ZFYVE27: variants seen among roughly 807,000 people sequenced by gnomAD.
ZFYVE27 encodes protrudin.
A neutral mutation model predicts 52.8 loss-of-function variants in ZFYVE27; 36 were observed. The ratio of observed to expected loss-of-function variants is 0.68; its 90% confidence interval spans 0.52 to 0.90. The LOEUF (loss-of-function observed/expected upper bound fraction) is 0.90. Ranked by LOEUF, ZFYVE27 falls within the 40% of genes least tolerant of loss-of-function variation. The pLI, the probability that ZFYVE27 is intolerant of heterozygous loss-of-function variation, is 0.00. For synonymous variants in ZFYVE27, 223 were observed against 215.6 expected (o/e 1.03, Z -0.30); for missense variants, 450 against 527.2 (o/e 0.85, Z 1.43).
chr10:97,757,386 T>G, intron 11 of ZFYVE27, 75 bp downstream of exon 11: 1 of 1,574,162 alleles, frequency 6.4e-7, no homozygotes, highest in Non-Finnish European at 8.7e-7. Context: ...TTGAGGGGAG[T>G]CATTGAGAAA....
chr10:97,752,951 G>A (rs888607817), intron 9 of ZFYVE27, 74 bp downstream of exon 9: 36 of 1,612,786 alleles, frequency 2.2e-5, no homozygotes, highest in South Asian at 1.2e-4. Flanking sequence ...GCCACACCTC[G>A]TGGGGGCTGC....
chr10:97,750,718 GTTCT>G (rs1002305560), intron 7 of ZFYVE27, among the ~76,000 whole-genome samples: 15 of 151,952 alleles, frequency 9.9e-5, no homozygotes, highest in African/African-American at 3.6e-4. Flanking sequence ...TGGAGTGCAG[GTTCT>G]TTCTTTCCTT....
chr10:97,756,924 C>G (rs974790870), intron 10 of ZFYVE27, among the ~76,000 whole-genome samples: 9 of 152,160 alleles, frequency 5.9e-5, no homozygotes, highest in African/African-American at 4.8e-5. Flanking sequence ...TTTGGGGATG[C>G]CTGTGGTCAG....
chr10:97,746,086 T>C (rs1408549250), intron 4 of ZFYVE27, among the ~76,000 whole-genome samples: 1 of 148,152 alleles, frequency 6.7e-6, no homozygotes, highest in Non-Finnish European at 1.5e-5. Flanking sequence ...TCTTGTTATG[T>C]AACCCAGGCT....
rs1450810951 is a variant in ZFYVE27, at chr10:97,738,535, G to A, written c.58G>A (p.Glu20Lys). The A allele has an allele frequency of 6.2e-7, 1 of 1,614,052 alleles. No homozygotes were observed. The highest frequency in any genetic ancestry group is 2.2e-5 in the East Asian group (1 of 44,892). The change falls in exon 2 of 13, where the codon GAG (glutamate) becomes AAG (lysine). Residue 20 changes from glutamate to lysine, a missense_variant. By Grantham distance (56) the Glu-to-Lys change is moderately conservative (BLOSUM62 1). Coordinates refer to ENST00000684270, the MANE Select transcript of ZFYVE27 (RefSeq NM_001385875.1). Reference sequence around the variant, plus strand: ...GGAGCTGAGCCCCAGCGTGATGCCCGAGGCTCCCCTGGAGTCTCCACCTTT... The same window carrying A: ...GGAGCTGAGCCCCAGCGTGATGCCCAAGGCTCCCCTGGAGTCTCCACCTTT... ...GPELSPSVMP[E>K]APLESPPFPT...
intron 10 of ZFYVE27, among the ~76,000 whole-genome samples, chr10:97,754,065 C>G (rs1168545599): frequency 2.6e-5 from 4 of 152,096 alleles, no homozygotes; most frequent in Non-Finnish European, 5.9e-5. Context: ...GAGGAAGGGC[C>G]CTCCTGCCTG....
chr10:97,742,972 T>A (rs2044147557), intron 2 of ZFYVE27, 122 bp from the exon 3 acceptor site: 4 of 1,092,584 alleles, frequency 3.7e-6, no homozygotes, highest in Non-Finnish European at 5.6e-6. Flanking sequence ...TTTTCGTTTC[T>A]CCTTGACCTT....
chr10:97,743,209 G>T lies in ZFYVE27; in HGVS notation c.268+45G>T, dbSNP rs113135754. The stretch of plus-strand genomic sequence containing the variant: ...GCCAGTGGTTTTTGTGAACGAATGT[G>T]GGGGAAGAACACCTGGATGCAGCCC... On this transcript the variant is annotated intron_variant, in intron 3 of 12. Transcript: ENST00000684270. 89 of 1,607,372 alleles carry T rather than the reference G, an allele frequency of 5.5e-5. 1 individual carries two copies. In the African/African-American group the frequency reaches 7.3e-4, roughly 13 times the overall value.
intron 4 of ZFYVE27, among the ~76,000 whole-genome samples, chr10:97,746,046 T>TACAC (rs2045291092): frequency 1.7e-4 from 12 of 70,304 alleles, no homozygotes; most frequent in Non-Finnish European, 3.1e-4. Flanking sequence ...TATATATATA[T>TACAC]ATATATTTTT....
Position 97,759,353 on chromosome 10 carries a change from C to G in ZFYVE27, c.*53C>G. 1 of 1,584,114 alleles carries G rather than the reference C, an allele frequency of 6.3e-7. No individual in the cohort carries two copies. Among genetic ancestry groups the G allele is most frequent in the South Asian group, 1.1e-5 (1 of 90,320 alleles). On this transcript the variant is annotated 3_prime_UTR_variant, in exon 13 of 13. Coordinates refer to ENST00000684270, the MANE Select transcript of ZFYVE27 (RefSeq NM_001385875.1). ...CCCGTCCTTGGGACCAGCAGTAGAC[C>G]CCCCACTCTCCCCACCCCTGGCCCA...
At chr10:97,758,731 C>T (rs1039970053) in intron 12 of ZFYVE27, among the ~76,000 whole-genome samples, 5 of 152,200 alleles carry the variant, frequency 3.3e-5, no homozygotes, top group Non-Finnish European at 5.9e-5. Flanking sequence ...AATTTTACCA[C>T]CCAGAGGTAA....
At chr10:97,740,161 G>A (rs2043238757) in intron 2 of ZFYVE27, among the ~76,000 whole-genome samples, 1 of 152,244 alleles carries the variant, frequency 6.6e-6, no homozygotes, top group South Asian at 2.1e-4. Context: ...AGCAGGGTGA[G>A]TGGAGTTACG....
intron 2 of ZFYVE27, among the ~76,000 whole-genome samples, chr10:97,741,126 T>C (rs2135949603): frequency 6.6e-6 from 1 of 152,304 alleles, no homozygotes; most frequent in South Asian, 2.1e-4. Context: ...TACTCATAAA[T>C]TTCATTAAAA....
intron 7 of ZFYVE27, among the ~76,000 whole-genome samples, chr10:97,751,163 T>G (rs1299379156): frequency 6.6e-6 from 1 of 152,184 alleles, no homozygotes; most frequent in African/African-American, 2.4e-5. Context: ...GCTCGTGCCT[T>G]CAACCACTGT....
intron 1 of ZFYVE27, among the ~76,000 whole-genome samples, chr10:97,737,948 G>A (rs1467805121): frequency 2.0e-5 from 3 of 152,266 alleles, no homozygotes; most frequent in Non-Finnish European, 4.4e-5. Flanking sequence ...TACAGAAGCA[G>A]TCGTGAATGG....
At chr10:97,758,922 C>T (rs550583074) in intron 12 of ZFYVE27, among the ~76,000 whole-genome samples, 15 of 152,308 alleles carry the variant, frequency 9.8e-5, no homozygotes, top group Non-Finnish European at 2.1e-4. Flanking sequence ...GCTGGGATTA[C>T]AGGCGTGCAT....
intron 2 of ZFYVE27, among the ~76,000 whole-genome samples, chr10:97,741,956 C>T (rs567614219): frequency 6.6e-6 from 1 of 151,998 alleles, no homozygotes; most frequent in East Asian, 1.9e-4. Context: ...CATAGTGAAA[C>T]ACCCCATCCC....
intron 2 of ZFYVE27, 44 bp from the exon 3 acceptor site, chr10:97,743,050 G>A: frequency 3.7e-6 from 6 of 1,607,146 alleles, no homozygotes; most frequent in Non-Finnish European, 5.1e-6. Context: ...CTCCCCAGCT[G>A]GAGGAGTGAC....
intron 10 of ZFYVE27, chr10:97,754,827 A>C: frequency 7.8e-7 from 1 of 1,288,420 alleles, no homozygotes; most frequent in Non-Finnish European, 1.0e-6. Context: ...TCCAGCAAAT[A>C]ATTTGTCTAT....
Sources: gnomAD v4.1 joint callset for allele counts (sites outside exome capture counted in the v4.1 genomes callset) on GRCh38, gnomAD v4.1.1 for gene constraint, MANE v1.5 for transcripts, NCBI Gene and HGNC (gene_info 2026-07-23, HGNC 2026-07-21) for gene names.